The following FHIT variants were observed in gnomAD, a reference collection of about 807,000 sequenced individuals.
The protein encoded by FHIT is fragile histidine triad diadenosine triphosphatase.
Under a neutral mutation model 17.9 loss-of-function variants are expected in FHIT, and 19 were observed. That is an observed-to-expected ratio of 1.06 (90% CI 0.74 to 1.56). The LOEUF (loss-of-function observed/expected upper bound fraction) is 1.56, where lower values mean the gene tolerates loss of function less well. Among genes scored for constraint, FHIT ranks in the 40% most tolerant of loss-of-function variants. FHIT has a pLI of 0.00. For missense variants in FHIT, 248 were observed against 189.2 expected, an observed-to-expected ratio of 1.31 and a Z score of -1.82; for synonymous variants, 81 against 69.7, an observed-to-expected ratio of 1.16 and a Z score of -0.81.
At chr3:60,349,151 T>G (rs1710948925) in intron 5 of FHIT, among the ~76,000 whole-genome samples, 1 of 152,184 alleles carries the variant, frequency 6.6e-6, no homozygotes, top group African/African-American at 2.4e-5. Flanking sequence ...AAGTAACTAA[T>G]AAAAAATTAT....
At chr3:59,947,201 T>A (rs1240655737) in intron 7 of FHIT, among the ~76,000 whole-genome samples, 1 of 152,206 alleles carries the variant, frequency 6.6e-6, no homozygotes, top group East Asian at 1.9e-4. Context: ...ATGTTATTGG[T>A]CTGTCCAGGG....
chr3:61,231,452 G>C (rs1337503208), intron 1 of FHIT, among the ~76,000 whole-genome samples: 2 of 151,366 alleles, frequency 1.3e-5, no homozygotes, highest in Admixed American at 1.3e-4. Flanking sequence ...TCATGCCACT[G>C]CATTCCAGCC....
intron 8 of FHIT, among the ~76,000 whole-genome samples, chr3:59,818,458 G>GTGTT (rs1282345469): frequency 6.6e-6 from 1 of 152,120 alleles, no homozygotes; most frequent in Non-Finnish European, 1.5e-5. Context: ...AAGGAAGATG[G>GTGTT]TGTTTTTTTC....
intron 5 of FHIT, among the ~76,000 whole-genome samples, chr3:60,353,585 G>A (rs971691091): frequency 2.0e-5 from 3 of 152,058 alleles, no homozygotes; most frequent in African/African-American, 7.2e-5. Context: ...GCTTGGCATA[G>A]TAGCCTTAAT....
At chr3:60,969,458 TTTC>T (rs1178183946) in intron 3 of FHIT, among the ~76,000 whole-genome samples, 2 of 152,178 alleles carry the variant, frequency 1.3e-5, no homozygotes, top group Non-Finnish European at 2.9e-5. Context: ...ATTTTCAGGC[TTTC>T]TTCTTTTCTA....
At chr3:61,046,295 T>C (rs1333580462) in intron 2 of FHIT, among the ~76,000 whole-genome samples, 1 of 152,020 alleles carries the variant, frequency 6.6e-6, no homozygotes, top group Non-Finnish European at 1.5e-5. Flanking sequence ...CAATAAAAAA[T>C]GATAAAAGGG....
chr3:60,744,317 A>C (rs2042313460), intron 4 of FHIT, among the ~76,000 whole-genome samples: 1 of 151,568 alleles, frequency 6.6e-6, no homozygotes, highest in Non-Finnish European at 1.5e-5. Context: ...ACCTATATGC[A>C]CAAGAATTCC....
chr3:60,097,636 A>T (rs1182641531), intron 5 of FHIT, among the ~76,000 whole-genome samples: 1 of 152,076 alleles, frequency 6.6e-6, no homozygotes, highest in Non-Finnish European at 1.5e-5. Context: ...TCCACTTAAT[A>T]GTAATTATAA....
chr3:60,929,263 TG>T (rs1210852029), intron 3 of FHIT, among the ~76,000 whole-genome samples: 1 of 152,156 alleles, frequency 6.6e-6, no homozygotes, highest in African/African-American at 2.4e-5. Flanking sequence ...TCATACTGAA[TG>T]GGCAAAAACT....
intron 5 of FHIT, among the ~76,000 whole-genome samples, chr3:60,131,012 T>TATATACACAC (rs1553693047): frequency 1.5e-5 from 2 of 129,404 alleles, no homozygotes; most frequent in South Asian, 2.6e-4. Context: ...CATATGTGTA[T>TATATACACAC]ATATACACAT....
At chr3:60,436,774 C>A (rs1322550402) in intron 5 of FHIT, among the ~76,000 whole-genome samples, 1 of 152,026 alleles carries the variant, frequency 6.6e-6, no homozygotes, top group African/African-American at 2.4e-5. Flanking sequence ...CTTTTTATTT[C>A]TAAGGCATTA....
chr3:60,741,885 C>T (rs1385120554), intron 4 of FHIT, among the ~76,000 whole-genome samples: 1 of 152,166 alleles, frequency 6.6e-6, no homozygotes, highest in Non-Finnish European at 1.5e-5. Flanking sequence ...TTTTCCAAGT[C>T]TGACTGTACA....
intron 4 of FHIT, among the ~76,000 whole-genome samples, chr3:60,548,257 C>CAA (rs1486608955): frequency 2.0e-5 from 3 of 152,030 alleles, no homozygotes; most frequent in Non-Finnish European, 4.4e-5. Flanking sequence ...GAATTAATAA[C>CAA]AACTCTGTCA....
intron 4 of FHIT, among the ~76,000 whole-genome samples, chr3:60,558,464 G>A (rs1429885235): frequency 6.6e-6 from 1 of 151,900 alleles, no homozygotes; most frequent in Non-Finnish European, 1.5e-5. Context: ...AGGAGAGTTT[G>A]AGTATGCCAT....
chr3:60,907,289 A>G (rs535541222), intron 3 of FHIT, among the ~76,000 whole-genome samples: 19 of 152,326 alleles, frequency 1.2e-4, no homozygotes, highest in African/African-American at 3.4e-4. Context: ...TTGGCCTACA[A>G]TGAGGAACAA....
chr3:60,686,231 C>T (rs571037237), intron 4 of FHIT, among the ~76,000 whole-genome samples: 62 of 152,094 alleles, frequency 4.1e-4, no homozygotes, highest in Non-Finnish European at 6.0e-4. Context: ...TGTTTTTCTC[C>T]GGCTATTTTC....
chr3:60,043,587 G>A (rs1357309010), intron 5 of FHIT, among the ~76,000 whole-genome samples: 1 of 152,142 alleles, frequency 6.6e-6, no homozygotes, highest in Non-Finnish European at 1.5e-5. Flanking sequence ...TTACACAATA[G>A]TGTCTCTTTC....
At chr3:60,686,250 G>A (rs879975859) in intron 4 of FHIT, among the ~76,000 whole-genome samples, 1 of 152,144 alleles carries the variant, frequency 6.6e-6, no homozygotes, top group South Asian at 2.1e-4. Context: ...TCAAGATAGT[G>A]TCTTGGGTTT....
intron 5 of FHIT, among the ~76,000 whole-genome samples, chr3:60,107,644 TGGACA>T (rs893615216): frequency 1.3e-5 from 2 of 152,220 alleles, no homozygotes; most frequent in Non-Finnish European, 2.9e-5. Context: ...TACTTCCAAC[TGGACA>T]GGCTTAAGTT....
Sources: gnomAD v4.1 joint callset for allele counts (sites outside exome capture counted in the v4.1 genomes callset) on GRCh38, gnomAD v4.1.1 for gene constraint, MANE v1.5 for transcripts, NCBI Gene and HGNC (gene_info 2026-07-23, HGNC 2026-07-21) for gene names.